LGR5: variants seen among roughly 807,000 people sequenced by gnomAD.
LGR5 encodes leucine-rich repeat-containing G protein-coupled receptor 5.
Under a neutral mutation model 76.7 loss-of-function variants are expected in LGR5, and 54 were observed. The ratio of observed to expected loss-of-function variants is 0.70; its 90% CI spans 0.57 to 0.88. The LOEUF is 0.88. Ranked by LOEUF, LGR5 falls within the 40% of genes least tolerant of loss-of-function variation. The pLI is 0.00. For missense variants in LGR5, 1,078 were observed against 1,073.3 expected (o/e 1.00, Z -0.06); for synonymous variants, 406 against 421.9 (o/e 0.96, Z 0.46).
chr12:71,517,707 G>C (rs1159036182), intron 2 of LGR5, among the ~76,000 whole-genome samples: 2 of 152,182 alleles, frequency 1.3e-5, no homozygotes, highest in African/African-American at 4.8e-5. Flanking sequence ...AGTTGAGTCT[G>C]ATCAATTAAG....
intron 4 of LGR5, among the ~76,000 whole-genome samples, chr12:71,542,081 G>C (rs1447625901): frequency 6.6e-6 from 1 of 152,224 alleles, no homozygotes; most frequent in Non-Finnish European, 1.5e-5. Flanking sequence ...GCGTGAGCCA[G>C]TCAGCCTTTT....
intron 1 of LGR5, among the ~76,000 whole-genome samples, chr12:71,458,708 T>C (rs1872580430): frequency 6.7e-6 from 1 of 148,548 alleles, no homozygotes; most frequent in South Asian, 2.1e-4. Context: ...TATTCGTTCA[T>C]TTATCCGTTT....
chr12:71,456,904 T>C (rs1158936223), intron 1 of LGR5, among the ~76,000 whole-genome samples: 1 of 152,054 alleles, frequency 6.6e-6, no homozygotes, highest in Non-Finnish European at 1.5e-5. Flanking sequence ...ATCTTTCCTG[T>C]CTTGGGTAAC....
chr12:71,439,454 G>A (rs1016348331), upstream of LGR5, among the ~76,000 whole-genome samples: 1 of 152,126 alleles, frequency 6.6e-6, no homozygotes, highest in Non-Finnish European at 1.5e-5. Flanking sequence ...GTCCTTGTGC[G>A]TCTGTTTAGG....
intron 1 of LGR5, among the ~76,000 whole-genome samples, chr12:71,487,354 C>T (rs1480753138): frequency 6.6e-6 from 1 of 152,094 alleles, no homozygotes; most frequent in African/African-American, 2.4e-5. Flanking sequence ...TACAGTGAAA[C>T]CATGGGGGAA....
rs147617068 is a variant in LGR5, at chr12:71,571,522, C to T, written c.1079C>T (p.Ser360Phe). Residue 360 changes from serine (S) to phenylalanine (F), a missense_variant, in exon 12 of 18, where the codon TCT becomes TTT. By Grantham distance (155) the Ser-to-Phe change is radical. Transcript: ENST00000266674. ...CACCTTCTGTTTTTCAGAGATCTGT[C>T]TTACAACCTATTAGAAGATTTACCC... is the stretch of plus-strand genomic sequence containing the variant. ...QLPNLQVLDL[S>F]YNLLEDLPSF... 2.1e-4 allele frequency: 338 copies of T among 1,611,740 alleles called. No homozygotes were observed. The highest frequency in any genetic ancestry group is 2.7e-4 in the Non-Finnish European group (318 of 1,178,366).
At chr12:71,446,120 A>G (rs1871977568) in intron 1 of LGR5, among the ~76,000 whole-genome samples, 1 of 152,160 alleles carries the variant, frequency 6.6e-6, no homozygotes, top group Non-Finnish European at 1.5e-5. Context: ...AAATACCAGT[A>G]ATGTTGAATT....
At chr12:71,489,923 G>A (rs566464876) in intron 1 of LGR5, among the ~76,000 whole-genome samples, 5 of 152,026 alleles carry the variant, frequency 3.3e-5, no homozygotes, top group African/African-American at 1.2e-4. Flanking sequence ...AGAAGAAGAA[G>A]AAAATTAGAC....
intron 1 of LGR5, among the ~76,000 whole-genome samples, chr12:71,499,819 C>CT (rs894003489): frequency 5.3e-5 from 8 of 152,114 alleles, no homozygotes; most frequent in Non-Finnish European, 1.0e-4. Flanking sequence ...GGCTGCATTC[C>CT]TTTTTGGGTA....
chr12:71,478,325 A>G (rs1262647753), intron 1 of LGR5, among the ~76,000 whole-genome samples: 1 of 152,206 alleles, frequency 6.6e-6, no homozygotes, highest in African/African-American at 2.4e-5. Flanking sequence ...AAGACAGATG[A>G]CCAACTTTAT....
chr12:71,516,713 A>G (rs532494980), intron 2 of LGR5, among the ~76,000 whole-genome samples: 1 of 152,336 alleles, frequency 6.6e-6, no homozygotes, highest in East Asian at 1.9e-4. Context: ...AATACTGTAG[A>G]TGGTTTTTAC....
chr12:71,582,293 T>G (rs559228687), intron 16 of LGR5, 163 bp from the exon 17 acceptor site: 4 of 589,550 alleles, frequency 6.8e-6, no homozygotes, highest in South Asian at 6.1e-5. Context: ...GCAGCTTGAG[T>G]CAAACATCCA....
intron 2 of LGR5, among the ~76,000 whole-genome samples, chr12:71,514,695 G>T (rs1875350025): frequency 6.6e-6 from 1 of 152,106 alleles, no homozygotes. Flanking sequence ...CTTAGCCCAT[G>T]AACCTTGAAA....
In LGR5 at chr12:71,487,768, C is replaced by T. The variant is rs1565684168; in HGVS notation, c.213-16846C>T. On this transcript the variant is annotated intron_variant, in intron 1 of 17. Transcript: ENST00000266674. Reference sequence around the variant, plus strand: ...TTCATGTCGTATCTGTGTTATTATACATAGGGGTCCAGTCTTCATAATCTG... The same window carrying T: ...TTCATGTCGTATCTGTGTTATTATATATAGGGGTCCAGTCTTCATAATCTG... Among the ~76,000 whole-genome samples the T allele has an allele frequency of 2.0e-5, 3 of 152,278 alleles. No homozygotes were observed. The East Asian group carries it at 5.8e-4, about 29-fold the overall frequency.
chr12:71,493,031 G>A (rs1874144348), intron 1 of LGR5, among the ~76,000 whole-genome samples: 1 of 151,334 alleles, frequency 6.6e-6, no homozygotes. Flanking sequence ...GTCTGTAAGA[G>A]CTATTTCAGT....
At chr12:71,545,205 G>A (rs974960624) in intron 4 of LGR5, among the ~76,000 whole-genome samples, 20 of 152,214 alleles carry the variant, frequency 1.3e-4, no homozygotes, top group African/African-American at 3.1e-4. Context: ...TAACACTTTC[G>A]GAGGCCAAGG....
chr12:71,512,019 T>C (rs1875180706), intron 2 of LGR5, among the ~76,000 whole-genome samples: 1 of 150,758 alleles, frequency 6.6e-6, no homozygotes, highest in East Asian at 1.9e-4. Flanking sequence ...TTAGACAAAG[T>C]CTCACTCTGT....
At chr12:71,525,537 A>C (rs7305333) in intron 3 of LGR5, among the ~76,000 whole-genome samples, 6,415 of 151,882 alleles carry the variant, frequency 0.042, 150 homozygotes, top group South Asian at 0.07. Context: ...CAAACCCCCC[A>C]AAAAAATTTG....
At chr12:71,531,295 C>T (rs1876295562) in intron 3 of LGR5, among the ~76,000 whole-genome samples, 1 of 152,098 alleles carries the variant, frequency 6.6e-6, no homozygotes, top group South Asian at 2.1e-4. Context: ...TTCAATTGCA[C>T]CCCCTAGCAC....
Sources: gnomAD v4.1 joint callset for allele counts (sites outside exome capture counted in the v4.1 genomes callset) on GRCh38, gnomAD v4.1.1 for gene constraint, MANE v1.5 for transcripts, NCBI Gene and HGNC (gene_info 2026-07-23, HGNC 2026-07-21) for gene names.